Variants in RGS3 observed in about 807,000 individuals in gnomAD.
RGS3 encodes the protein regulator of G protein signaling 3, also known as regulator of G-protein signalling 3.
Under a neutral mutation model 132.6 loss-of-function variants are expected in RGS3, and 80 were observed. The ratio of observed to expected loss-of-function variants is 0.60; its 90% CI spans 0.50 to 0.73. RGS3 has a LOEUF of 0.73. RGS3 is among the 30% of genes least tolerant of loss of function. The probability of loss-of-function intolerance (pLI) is 0.00; values close to 1 mark genes in which losing one functional copy is unlikely to be tolerated. For synonymous variants in RGS3, 598 were observed against 620.6 expected, an observed-to-expected ratio of 0.96 and a Z score of 0.54; for missense variants, 1,382 against 1,530.8, an observed-to-expected ratio of 0.90 and a Z score of 1.62.
chr9:113,527,735 A>C (rs991447821), intron 17 of RGS3, among the ~76,000 whole-genome samples: 1 of 152,084 alleles, frequency 6.6e-6, no homozygotes, highest in Non-Finnish European at 1.5e-5. Context: ...GCCCTCATTC[A>C]CTGCTTTTCT....
chr9:113,517,888 C>G (rs1213907826), intron 16 of RGS3, among the ~76,000 whole-genome samples: 2 of 152,190 alleles, frequency 1.3e-5, no homozygotes, highest in Non-Finnish European at 2.9e-5. Flanking sequence ...TTTATCCCAC[C>G]TTCCTCTCAG....
chr9:113,592,645 A>G (rs1487522301), intron 21 of RGS3: 1 of 152,144 alleles, frequency 6.6e-6, no homozygotes, highest in African/African-American at 2.4e-5. Context: ...CATCACACCC[A>G]GCAAATTTTT....
chr9:113,527,974 G>C (rs1832290657), intron 17 of RGS3, among the ~76,000 whole-genome samples: 1 of 152,120 alleles, frequency 6.6e-6, no homozygotes, highest in Non-Finnish European at 1.5e-5. Flanking sequence ...CTGGATCCAG[G>C]CTACCTGGGT....
chr9:113,557,433 A>C (rs191640410), intron 19 of RGS3, among the ~76,000 whole-genome samples: 5 of 152,318 alleles, frequency 3.3e-5, no homozygotes, highest in Admixed American at 3.3e-4. Flanking sequence ...TGCCCATTCC[A>C]GCCACTGAGG....
intron 10 of RGS3, among the ~76,000 whole-genome samples, chr9:113,502,632 G>A (rs781005161): frequency 1.3e-5 from 2 of 152,210 alleles, no homozygotes; most frequent in Non-Finnish European, 2.9e-5. Flanking sequence ...GAGAGCACTG[G>A]TTGGGACATC....
rs2118950030 is a variant in RGS3, at chr9:113,579,805, G to A, written c.2038-3645G>A. On this transcript the variant is annotated intron_variant, in intron 19 of 24. Coordinates refer to ENST00000350696, the Ensembl canonical transcript of RGS3. This position sits in a 1 kb window ranked among gnomAD's most constrained non-coding sequence, Gnocchi z 4.3. ...CTACCTCAGTGCTTGGAGAATGCAT[G>A]AATGTATGCGTGCCCCAGTCCTCCC... Among the ~76,000 whole-genome samples, 1 of 152,312 alleles carries A rather than the reference G, an allele frequency of 6.6e-6. No homozygotes were observed. The highest frequency in any genetic ancestry group is 1.9e-4 in the East Asian group (1 of 5,186).
chr9:113,497,340 A>C (rs1830720558), exon 9 of RGS3: 2 of 1,613,486 alleles, frequency 1.2e-6, no homozygotes, highest in Non-Finnish European at 1.7e-6. Flanking sequence ...ACTACCTCCT[A>C]GGGGAGCACC....
At chr9:113,546,852 A>C (rs1256544118) in intron 19 of RGS3, among the ~76,000 whole-genome samples, 1 of 152,194 alleles carries the variant, frequency 6.6e-6, no homozygotes, top group Non-Finnish European at 1.5e-5. Flanking sequence ...AGAGAAAACC[A>C]GCGAGTGATT....
intron 19 of RGS3, chr9:113,581,254 G>A (rs181071284): frequency 2.0e-5 from 3 of 153,026 alleles, no homozygotes; most frequent in African/African-American, 7.2e-5. Context: ...TTTGTGCAGG[G>A]TGGCTTTGGG....
At position 113,565,099 on chromosome 9, in the gene RGS3, C is replaced by T. The variant is rs563092824; in HGVS notation, c.2038-18351C>T. 1.1e-3 allele frequency: 1,251 copies of T among 1,161,714 alleles called. No homozygotes were observed. Among genetic ancestry groups the T allele is most frequent in the East Asian group, 1.7e-3 (26 of 15,274 alleles). 72.0% of individuals were successfully genotyped at this position (1,161,714 alleles called of 1,614,324 possible). On this transcript the variant is annotated intron_variant, in intron 19 of 24. Transcript: ENST00000350696. The surrounding 1 kb of genome is among the most constrained non-coding windows in gnomAD (Gnocchi z 5.7). ...TTGTGAGGGATGGACGCCTCTCCCCCGGAGCAGCACTTTGGGGCCAGCTTG... is the reference window on the plus strand; with the variant it reads ...TTGTGAGGGATGGACGCCTCTCCCCTGGAGCAGCACTTTGGGGCCAGCTTG...
chr9:113,558,686 C>G lies in RGS3; in HGVS notation c.2037+21768C>G, dbSNP rs184983132. 1.6e-4 allele frequency among the ~76,000 whole-genome samples: 24 copies of G among 152,244 alleles called. No homozygotes were observed. The East Asian group carries it at 4.0e-3, about 26-fold the overall frequency. On this transcript the variant is annotated intron_variant, in intron 19 of 24. Coordinates refer to ENST00000350696, the Ensembl canonical transcript of RGS3. ...TTTAAATCAGGGCTCCTTAAGCTACCTGTGGTGAGGGGCTTTGACATTTTG... is the reference window on the plus strand; with the variant it reads ...TTTAAATCAGGGCTCCTTAAGCTACGTGTGGTGAGGGGCTTTGACATTTTG...
intron 4 of RGS3, among the ~76,000 whole-genome samples, chr9:113,481,051 C>T (rs1456989329): frequency 6.6e-6 from 1 of 152,210 alleles, no homozygotes; most frequent in Non-Finnish European, 1.5e-5. Context: ...CCTGGAATAA[C>T]CTTTCTTTTG....
intron 19 of RGS3, chr9:113,564,925 A>T: frequency 4.0e-6 from 4 of 995,008 alleles, no homozygotes; most frequent in Non-Finnish European, 4.8e-6. Flanking sequence ...GTGACAGGGA[A>T]GCCTCGGTGC....
chr9:113,590,892 T>A (rs1163407444), intron 20 of RGS3, among the ~76,000 whole-genome samples: 1 of 152,264 alleles, frequency 6.6e-6, no homozygotes, highest in Non-Finnish European at 1.5e-5. Context: ...TATACACTGC[T>A]GACCATCTCA....
At chr9:113,510,928 A>T (rs1323828128) in intron 14 of RGS3, among the ~76,000 whole-genome samples, 1 of 152,220 alleles carries the variant, frequency 6.6e-6, no homozygotes, top group Non-Finnish European at 1.5e-5. Flanking sequence ...CCTTAAACAC[A>T]CTTGGGATTG....
At chr9:113,456,238 G>GCCT (rs1414290446), upstream of RGS3, among the ~76,000 whole-genome samples, 1 of 152,104 alleles carries the variant, frequency 6.6e-6, no homozygotes, top group East Asian at 1.9e-4. Flanking sequence ...CATGCTCATG[G>GCCT]CCTCACAGGG....
chr9:113,447,361 A>C lies in RGS3; in HGVS notation c.-13+2434A>C, dbSNP rs866418043. Among the ~76,000 whole-genome samples the C allele has an allele frequency of 1.6e-3, 193 of 118,224 alleles. 2 individuals carry two copies. Among genetic ancestry groups the C allele is most frequent in the African/African-American group, 5.9e-3 (191 of 32,240 alleles). 77.6% of individuals were successfully genotyped at this position (118,224 alleles called of 152,430 possible). ...TATATATATATATATATATATATAT[A>C]GGCAAGGGTTGAAGATAAATAAGGT... On this transcript the variant is annotated intron_variant, in intron 1 of 25. Coordinates refer to the RGS3 transcript ENST00000374140.
At chr9:113,560,151 G>A (rs568044583) in intron 19 of RGS3, among the ~76,000 whole-genome samples, 134 of 152,328 alleles carry the variant, frequency 8.8e-4, no homozygotes, top group Non-Finnish European at 1.7e-3. Flanking sequence ...CCTTTAGTGA[G>A]AGGGCCTGAA....
intron 3 of RGS3, among the ~76,000 whole-genome samples, chr9:113,468,346 A>T (rs1829715866): frequency 6.6e-6 from 1 of 152,182 alleles, no homozygotes; most frequent in Non-Finnish European, 1.5e-5. Flanking sequence ...CCTTTACTGA[A>T]AATCAATTGC....
Sources: allele counts gnomAD v4.1 joint callset (sites outside exome capture counted in the v4.1 genomes callset), GRCh38; gene constraint gnomAD v4.1.1; non-coding constraint Gnocchi (gnomAD v3.1); transcripts MANE v1.5; gene names NCBI Gene and HGNC (gene_info 2026-07-23, HGNC 2026-07-21).